The following CELF2 variants were observed in gnomAD, a reference collection of about 807,000 sequenced individuals.
The protein encoded by CELF2 is CUGBP Elav-like family member 2.
In CELF2, 8 loss-of-function variants were observed where a neutral mutation model predicts 62.6. That is an observed-to-expected ratio of 0.13 (90% CI 0.07 to 0.23). The LOEUF (loss-of-function observed/expected upper bound fraction) is 0.23, where lower values mean the gene tolerates loss of function less well. Among genes scored for constraint, CELF2 ranks in the 10% least tolerant of loss-of-function variants. The probability of loss-of-function intolerance (pLI) is 1.00; values close to 1 mark genes in which losing one functional copy is unlikely to be tolerated. For missense variants in CELF2, 333 were observed against 671.0 expected (o/e 0.50, Z 5.56); for synonymous variants, 258 against 250.0 (o/e 1.03, Z -0.30).
intron 1 of CELF2, among the ~76,000 whole-genome samples, chr10:10,894,770 C>A (rs1008270212): frequency 6.6e-6 from 1 of 152,184 alleles, no homozygotes; most frequent in Admixed American, 6.5e-5. Flanking sequence ...GAGTGCAGGG[C>A]AGTAGATTTC....
intron 9 of CELF2, among the ~76,000 whole-genome samples, chr10:11,304,193 C>T (rs1261292975): frequency 1.3e-5 from 2 of 152,168 alleles, no homozygotes; most frequent in African/African-American, 2.4e-5. Context: ...GGGGTAAATC[C>T]ATTTCCTTTC....
chr10:10,562,503 A>G, the CELF2 span, among the ~76,000 whole-genome samples: 8 of 152,236 alleles, frequency 5.3e-5, no homozygotes, highest in Admixed American at 1.3e-4. Context: ...AAGCATGAAG[A>G]GGTTAAGTAA....
chr10:11,180,223 G>C lies in CELF2; in HGVS notation c.271+14541G>C, dbSNP rs549461993. Among the ~76,000 whole-genome samples the C allele has an allele frequency of 7.4e-4, 113 of 152,270 alleles. No individual in the cohort carries two copies. The Middle Eastern group carries it at 0.024, about 32-fold the overall frequency. On this transcript the variant is annotated intron_variant, in intron 2 of 12. Transcript: ENST00000633077. ...GCTTTTTTCTACCCTTTGGCTACCAGATCAAATGCCACTTTCCCAGAAAGC... is the reference window on the plus strand; with the variant it reads ...GCTTTTTTCTACCCTTTGGCTACCACATCAAATGCCACTTTCCCAGAAAGC...
At chr10:10,486,603 G>C in the CELF2 span, among the ~76,000 whole-genome samples, 46 of 152,188 alleles carry the variant, frequency 3.0e-4, no homozygotes, top group Non-Finnish European at 5.6e-4. Flanking sequence ...ATACTTACCT[G>C]ATTGAGCACT....
the CELF2 span, among the ~76,000 whole-genome samples, chr10:10,579,860 C>T: frequency 6.7e-6 from 1 of 149,994 alleles, no homozygotes; most frequent in South Asian, 2.2e-4. Flanking sequence ...CACACACACA[C>T]ACATGCACAC....
chr10:10,491,086 A>G, the CELF2 span, among the ~76,000 whole-genome samples: 1,023 of 152,306 alleles, frequency 6.7e-3, 14 homozygotes, highest in African/African-American at 0.023. Context: ...GATCGCAGCT[A>G]GAAAACCACT....
upstream of CELF2, chr10:10,794,555 AG>A (rs1230740589): frequency 7.2e-5 from 11 of 151,954 alleles, no homozygotes; most frequent in African/African-American, 2.7e-4. Flanking sequence ...AAAATGACAA[AG>A]AAAATTTTGT....
chr10:10,714,688 G>T, the CELF2 span, among the ~76,000 whole-genome samples: 1 of 152,110 alleles, frequency 6.6e-6, no homozygotes, highest in African/African-American at 2.4e-5. Context: ...CTTTAGAAGG[G>T]ATACCTTTTA....
intron 2 of CELF2, among the ~76,000 whole-genome samples, chr10:10,922,508 A>C (rs953102382): frequency 1.1e-4 from 17 of 152,218 alleles, no homozygotes; most frequent in Non-Finnish European, 1.9e-4. Context: ...AATGATTCAG[A>C]TGTCTGAGAA....
the CELF2 span, among the ~76,000 whole-genome samples, chr10:10,579,917 T>C: frequency 6.6e-6 from 1 of 151,560 alleles, no homozygotes; most frequent in Non-Finnish European, 1.5e-5. Context: ...TAATAGTTTA[T>C]AAATAGAATG....
At position 11,159,090 on chromosome 10, in the gene CELF2, A is replaced by T. The variant is rs2065128550; in HGVS notation, c.75-6396A>T. On this transcript the variant is annotated intron_variant, in intron 1 of 12. Transcript: ENST00000633077. This position sits in a 1 kb window ranked among gnomAD's most constrained non-coding sequence, Gnocchi z 5.0. Reference sequence around the variant, plus strand: ...TTGCTCTGGTCAATTTTCCATGTGGATTCACTAGCTGATGTGTGGCCATCT... The same window carrying T: ...TTGCTCTGGTCAATTTTCCATGTGGTTTCACTAGCTGATGTGTGGCCATCT... Among the ~76,000 whole-genome samples, 2 of 152,278 alleles carry T rather than the reference A, an allele frequency of 1.3e-5. No homozygotes were observed. The highest frequency in any genetic ancestry group is 1.3e-4 in the Admixed American group (2 of 15,300).
intron 2 of CELF2, among the ~76,000 whole-genome samples, chr10:10,996,451 C>T (rs1050329863): frequency 3.3e-5 from 5 of 152,200 alleles, no homozygotes; most frequent in Admixed American, 6.5e-5. Context: ...CTCCTTTCTC[C>T]GGGCATGTGC....
the CELF2 span, among the ~76,000 whole-genome samples, chr10:10,730,327 A>G: frequency 6.6e-6 from 1 of 152,118 alleles, no homozygotes; most frequent in African/African-American, 2.4e-5. Flanking sequence ...AAATACAAAA[A>G]TTAACTGGGC....
At chr10:10,572,435 G>T in the CELF2 span, among the ~76,000 whole-genome samples, 1 of 151,670 alleles carries the variant, frequency 6.6e-6, no homozygotes, top group Admixed American at 6.6e-5. Flanking sequence ...GTGGTTTGCC[G>T]CACCTATCAA....
the CELF2 span, among the ~76,000 whole-genome samples, chr10:10,659,520 T>C: frequency 1.1e-4 from 17 of 152,236 alleles, 1 homozygote; most frequent in East Asian, 7.7e-4. Context: ...TCGCTCCTCT[T>C]ATTATGGGGA....
intron 1 of CELF2, among the ~76,000 whole-genome samples, chr10:10,910,051 G>C (rs551296487): frequency 6.6e-6 from 1 of 152,132 alleles, no homozygotes; most frequent in African/African-American, 2.4e-5. Flanking sequence ...ATCCCTCTTT[G>C]ATCCAGAAAT....
At chr10:11,301,407 C>G (rs1239022997) in intron 9 of CELF2, among the ~76,000 whole-genome samples, 1 of 101,224 alleles carries the variant, frequency 9.9e-6, no homozygotes, top group East Asian at 3.9e-4. Context: ...GCTTCCCCCC[C>G]TCCCGCACCC....
chr10:11,131,140 A>G (rs562398716), intron 1 of CELF2, among the ~76,000 whole-genome samples: 8 of 152,262 alleles, frequency 5.3e-5, no homozygotes, highest in Non-Finnish European at 1.0e-4. Flanking sequence ...GATTTCTTCA[A>G]AACACTTGGC....
chr10:10,728,452 C>CAA, the CELF2 span, among the ~76,000 whole-genome samples: 2,158 of 81,140 alleles, frequency 0.027, 94 homozygotes, highest in African/African-American at 0.095. Context: ...GACTCTGTTT[C>CAA]AAAAAAAAAA....
Sources: gnomAD v4.1 joint callset for allele counts (sites outside exome capture counted in the v4.1 genomes callset) on GRCh38, gnomAD v4.1.1 for gene constraint, Gnocchi (gnomAD v3.1) non-coding constraint, MANE v1.5 for transcripts, NCBI Gene and HGNC (gene_info 2026-07-23, HGNC 2026-07-21) for gene names.